TMPRSS9: variants seen among roughly 807,000 people sequenced by gnomAD.
The protein encoded by TMPRSS9 is transmembrane serine protease 9.
In TMPRSS9, 113 loss-of-function variants were observed where a neutral mutation model predicts 111.4. The ratio of observed to expected loss-of-function variants is 1.01; its 90% CI spans 0.87 to 1.19. TMPRSS9 has a LOEUF of 1.19. Among genes scored for constraint, TMPRSS9 ranks in the 50% most tolerant of loss-of-function variants. The pLI, the probability that TMPRSS9 is intolerant of heterozygous loss-of-function variation, is 0.00. For missense variants in TMPRSS9, 1,803 were observed against 1,513.1 expected (o/e 1.19, Z -3.18); for synonymous variants, 805 against 659.1 (o/e 1.22, Z -3.39).
intron 8 of TMPRSS9, among the ~76,000 whole-genome samples, chr19:2,408,913 C>T (rs1971030946): frequency 6.6e-6 from 1 of 150,644 alleles, no homozygotes; most frequent in Admixed American, 6.7e-5. Flanking sequence ...TGCTTGAACC[C>T]AGGAGATGGA....
At chr19:2,384,580 C>T (rs149346289) in intron 1 of TMPRSS9, among the ~76,000 whole-genome samples, 5,210 of 151,898 alleles carry the variant, frequency 0.034, 288 homozygotes, top group African/African-American at 0.11. Flanking sequence ...CTTTGGGAGG[C>T]CAAGGCGGGA....
chr19:2,378,200 C>G (rs1409519399), intron 1 of TMPRSS9, among the ~76,000 whole-genome samples: 1 of 152,136 alleles, frequency 6.6e-6, no homozygotes, highest in Non-Finnish European at 1.5e-5. Context: ...TTATAAATCA[C>G]CCAGTCTCAG....
In TMPRSS9 at chr19:2,405,424, A is replaced by G. The variant is rs370446688; in HGVS notation, c.721A>G (p.Met241Val). 9 of 1,607,896 alleles carry G rather than the reference A, an allele frequency of 5.6e-6. No individual in the cohort carries two copies. The Admixed American group carries it at 8.5e-5, about 15-fold the overall frequency. ...GATGGCCGGCAGGATCGTGGGCGGC[A>G]TGGAAGCATCCCCGGGGGAGTTTCC... The change falls in exon 7 of 18, where the codon ATG becomes GTG. Residue 241 changes from methionine to valine, a missense_variant. Coordinates refer to ENST00000648592, the Ensembl canonical transcript of TMPRSS9.
intron 1 of TMPRSS9, among the ~76,000 whole-genome samples, chr19:2,382,374 C>A (rs1970395180): frequency 6.6e-6 from 1 of 151,566 alleles, no homozygotes; most frequent in African/African-American, 2.4e-5. Flanking sequence ...TCAGGCGATC[C>A]TCCCACCTTG....
rs531985815 is a variant in TMPRSS9 at position 2,378,860 on chromosome 19, G to GT, written c.-25-10900dup. Among the ~76,000 whole-genome samples the GT allele has an allele frequency of 4.1e-4, 62 of 152,306 alleles. No individual in the cohort carries two copies. The South Asian group carries it at 0.012, about 29-fold the overall frequency. On this transcript the variant is annotated intron_variant, in intron 1 of 17. Transcript: ENST00000649857. ...CAAACATGTCCTTCTTCACATGGCG[G>GT]TAGGAGAGAGAAGAATGAAAGCCCA...
At chr19:2,399,392 T>G (rs1016892637) in intron 4 of TMPRSS9, among the ~76,000 whole-genome samples, 199 bp downstream of exon 5, 3 of 152,112 alleles carry the variant, frequency 2.0e-5, no homozygotes, top group Admixed American at 6.6e-5. Flanking sequence ...GAGACCAGCC[T>G]GGCCAACACC....
intron 14 of TMPRSS9, among the ~76,000 whole-genome samples, chr19:2,423,048 C>G (rs946550167): frequency 6.7e-6 from 1 of 148,648 alleles, no homozygotes; most frequent in African/African-American, 2.5e-5. Flanking sequence ...CACAGCCTGT[C>G]TCTAAAAAAA....
At chr19:2,391,045 G>A (rs573095588) in intron 1 of TMPRSS9, among the ~76,000 whole-genome samples, 121 of 145,908 alleles carry the variant, frequency 8.3e-4, no homozygotes, top group African/African-American at 3.0e-3. Flanking sequence ...GGGAGGGAGG[G>A]AGGGAGGGAG....
At chr19:2,405,331 C>T (rs762729708) in intron 6 of TMPRSS9, 43 bp from the exon 8 acceptor site, 1 of 1,544,928 alleles carries the variant, frequency 6.5e-7, no homozygotes, top group Non-Finnish European at 8.7e-7. Flanking sequence ...AGGGTGAGGT[C>T]CTGCCTTCGT....
At position 2,422,372 on chromosome 19, in the gene TMPRSS9, G is replaced by A. The variant is rs148768615; in HGVS notation, c.2548+125G>A. 6,580 of 1,171,574 alleles carry A rather than the reference G, an allele frequency of 5.6e-3. 39 individuals are homozygous for A. Among genetic ancestry groups the A allele is most frequent in the Middle Eastern group, 0.015 (49 of 3,230 alleles). The allele number at this position is 1,171,574 out of a possible 1,614,324, so 72.6% of individuals were successfully genotyped here. On this transcript the variant is annotated intron_variant, in intron 14 of 17. Transcript: ENST00000648592. ...AGGCGGGCGGATCAAGAGGTCAGGA[G>A]ATCGAGACCATCCTGGCGAACACGG...
chr19:2,401,710 C>T (rs565627400), intron 4 of TMPRSS9, among the ~76,000 whole-genome samples: 20 of 151,700 alleles, frequency 1.3e-4, no homozygotes, highest in South Asian at 8.4e-4. Context: ...CGGGTTCAAG[C>T]GATTGTCCTG....
intron 1 of TMPRSS9, among the ~76,000 whole-genome samples, 106 bp downstream of exon 1, chr19:2,360,466 G>T (rs893865668): frequency 6.6e-6 from 1 of 152,236 alleles, no homozygotes; most frequent in Non-Finnish European, 1.5e-5. Flanking sequence ...CTGGGGCTGT[G>T]TAGAGGTGGC....
At chr19:2,386,973 C>A (rs1354531175), upstream of TMPRSS9, among the ~76,000 whole-genome samples, 1 of 152,176 alleles carries the variant, frequency 6.6e-6, no homozygotes, top group East Asian at 1.9e-4. Flanking sequence ...GTGGTCCCAG[C>A]ACTTTGGGAG....
At chr19:2,378,206 C>G (rs971375388) in intron 1 of TMPRSS9, among the ~76,000 whole-genome samples, 2 of 152,086 alleles carry the variant, frequency 1.3e-5, no homozygotes, top group African/African-American at 4.8e-5. Flanking sequence ...ATCACCCAGT[C>G]TCAGGTATTT....
exon 17 of TMPRSS9, chr19:2,425,432 T>G (rs765890562): frequency 1.9e-6 from 3 of 1,590,840 alleles, no homozygotes; most frequent in South Asian, 2.2e-5. Context: ...TTCTACCCAG[T>G]GCAGATCAGC....
At chr19:2,398,633 A>G (rs1970759132) in intron 2 of TMPRSS9, among the ~76,000 whole-genome samples, 162 bp from the exon 4 acceptor site, 1 of 152,072 alleles carries the variant, frequency 6.6e-6, no homozygotes, top group Non-Finnish European at 1.5e-5. Flanking sequence ...ACATACATAC[A>G]TACATACGTA....
upstream of TMPRSS9, among the ~76,000 whole-genome samples, chr19:2,386,100 C>G (rs1487231988): frequency 6.6e-6 from 1 of 152,026 alleles, no homozygotes; most frequent in Non-Finnish European, 1.5e-5. Flanking sequence ...ACGTGCCCCA[C>G]CATGCCCAGC....
chr19:2,400,615 A>G (rs926204620), intron 4 of TMPRSS9, among the ~76,000 whole-genome samples: 1 of 152,084 alleles, frequency 6.6e-6, no homozygotes, highest in South Asian at 2.1e-4. Flanking sequence ...TTTAAAAAAT[A>G]AAAAACAAAA....
At chr19:2,375,465 G>A (rs993567930) in intron 1 of TMPRSS9, among the ~76,000 whole-genome samples, 4 of 146,810 alleles carry the variant, frequency 2.7e-5, no homozygotes, top group Non-Finnish European at 5.9e-5. Context: ...GGTCCAGTGC[G>A]GACCAATCAC....
Sources: gnomAD v4.1 joint callset for allele counts (sites outside exome capture counted in the v4.1 genomes callset) on GRCh38, gnomAD v4.1.1 for gene constraint, MANE v1.5 for transcripts, NCBI Gene and HGNC (gene_info 2026-07-23, HGNC 2026-07-21) for gene names.